The following TCF12 variants were observed in gnomAD, a reference collection of about 807,000 sequenced individuals.
TCF12 encodes DNA-binding protein HTF4.
In TCF12, 45 loss-of-function variants were observed where a neutral mutation model predicts 86.0. The ratio of observed to expected loss-of-function variants is 0.52; its 90% CI spans 0.41 to 0.67. TCF12 has a LOEUF of 0.67. Among genes scored for constraint, TCF12 ranks in the 30% least tolerant of loss-of-function variants. The probability of loss-of-function intolerance (pLI) is 0.00; values close to 1 mark genes in which losing one functional copy is unlikely to be tolerated. For synonymous variants in TCF12, 330 were observed against 299.6 expected (o/e 1.10, Z -1.05); for missense variants, 881 against 859.9 (o/e 1.02, Z -0.31).
intron 5 of TCF12, among the ~76,000 whole-genome samples, chr15:57,164,892 G>A (rs754952988): frequency 1.3e-5 from 2 of 152,080 alleles, no homozygotes; most frequent in Non-Finnish European, 2.9e-5. Context: ...TTTTGGCCAC[G>A]CTGGTCTTGA....
chr15:57,206,678 C>T (rs2057830787), intron 8 of TCF12, among the ~76,000 whole-genome samples: 1 of 148,068 alleles, frequency 6.8e-6, no homozygotes, highest in South Asian at 2.1e-4. Context: ...TCCTCCACCT[C>T]CTGTACTCGG....
chr15:57,016,695 C>CCT (rs1376709586), intron 3 of TCF12, among the ~76,000 whole-genome samples: 1 of 151,888 alleles, frequency 6.6e-6, no homozygotes, highest in East Asian at 1.9e-4. Context: ...TTTCCTTGGG[C>CCT]CTCTTGCATT....
intron 5 of TCF12, among the ~76,000 whole-genome samples, chr15:57,113,535 TC>T (rs1488533959): frequency 6.6e-6 from 1 of 152,120 alleles, no homozygotes; most frequent in Non-Finnish European, 1.5e-5. Flanking sequence ...TTCTTTTGCT[TC>T]TTTTTTTTCT....
chr15:57,064,349 A>G lies in TCF12; in HGVS notation c.222+526A>G, dbSNP rs2703575. 1.4e-3 allele frequency among the ~76,000 whole-genome samples: 216 copies of G among 152,340 alleles called. 1 individual carries two copies. The highest frequency in any genetic ancestry group is 5.0e-3 in the African/African-American group (207 of 41,576). On this transcript the variant is annotated intron_variant, in intron 4 of 20. Transcript: ENST00000333725. Reference sequence around the variant, plus strand: ...TTCTACACACTGAGGTCACAAGGTTAGAGCCCTTTCCAGCAAAAAACAAAA... The same window carrying G: ...TTCTACACACTGAGGTCACAAGGTTGGAGCCCTTTCCAGCAAAAAACAAAA...
chr15:57,056,022 C>T (rs977903843), intron 3 of TCF12, among the ~76,000 whole-genome samples: 1 of 151,984 alleles, frequency 6.6e-6, no homozygotes, highest in Non-Finnish European at 1.5e-5. Context: ...GATGATCTCT[C>T]ATCACGTTCA....
chr15:57,262,132 C>T lies in TCF12; in HGVS notation c.1506C>T (p.Gly502=). The change falls in exon 17 of 21, where the codon GGC becomes GGT. Residue 502 remains glycine, a synonymous_variant. Transcript: ENST00000333725. The stretch of plus-strand genomic sequence containing the variant: ...GGGAAGACTCTGTCAGTCTCAATGG[C>T]AATCATTCAGTCCTGTCTAGTACAG... ...THREDSVSLN[G]NHSVLSSTVT... 6.2e-7 allele frequency: 1 copy of T among 1,613,436 alleles called. No individual in the cohort carries two copies. The highest frequency in any genetic ancestry group is 1.1e-5 in the South Asian group (1 of 90,968).
intron 8 of TCF12, among the ~76,000 whole-genome samples, chr15:57,226,096 C>G (rs945354695): frequency 6.9e-6 from 1 of 144,982 alleles, no homozygotes; most frequent in Non-Finnish European, 1.5e-5. Flanking sequence ...AATGCTGACT[C>G]TTAAATGTAC....
chr15:57,134,148 T>A (rs1270141380), intron 5 of TCF12, among the ~76,000 whole-genome samples: 2 of 152,226 alleles, frequency 1.3e-5, no homozygotes, highest in Non-Finnish European at 2.9e-5. Flanking sequence ...TGGGCGGTCT[T>A]GTTTGATATT....
At chr15:56,980,754 T>C (rs17819694) in intron 3 of TCF12, among the ~76,000 whole-genome samples, 5,810 of 152,294 alleles carry the variant, frequency 0.038, 360 homozygotes, top group Admixed American at 0.16. Context: ...TCTTTTCCTG[T>C]AGGATTTTGT....
At chr15:56,957,417 T>C (rs76412380) in intron 3 of TCF12, among the ~76,000 whole-genome samples, 2,083 of 152,318 alleles carry the variant, frequency 0.014, 55 homozygotes, top group African/African-American at 0.043. Flanking sequence ...TTCTGTTTTC[T>C]CTTTTGTGTT....
intron 5 of TCF12, among the ~76,000 whole-genome samples, chr15:57,128,467 A>T (rs565164968): frequency 6.6e-6 from 1 of 152,212 alleles, no homozygotes; most frequent in Non-Finnish European, 1.5e-5. Flanking sequence ...TTTAGAATTC[A>T]GTGGGGTTTT....
intron 8 of TCF12, among the ~76,000 whole-genome samples, chr15:57,203,275 T>TA (rs1449382197): frequency 8.1e-4 from 124 of 152,320 alleles, no homozygotes; most frequent in Non-Finnish European, 2.8e-4. Context: ...TTTCCTTTTC[T>TA]AAATCACTCG....
intron 6 of TCF12, among the ~76,000 whole-genome samples, chr15:57,170,639 TATAATATATATATTATATA>T (rs2055257104): frequency 2.7e-5 from 1 of 37,076 alleles, no homozygotes; most frequent in East Asian, 1.4e-3. Context: ...TATATATATA[TATAATATATATATTATATA>T]AAATATATAT....
chr15:57,235,552 T>G (rs1334571243), intron 12 of TCF12, among the ~76,000 whole-genome samples: 1 of 152,156 alleles, frequency 6.6e-6, no homozygotes, highest in Non-Finnish European at 1.5e-5. Context: ...AAGAAAATTG[T>G]CTCACCCTTT....
At chr15:57,166,042 C>T (rs1430638321) in intron 5 of TCF12, among the ~76,000 whole-genome samples, 2 of 152,174 alleles carry the variant, frequency 1.3e-5, no homozygotes, top group African/African-American at 2.4e-5. Context: ...ATCCTCCCAC[C>T]TCAGCCTCCT....
chr15:57,069,412 C>T (rs1385564675), intron 4 of TCF12, among the ~76,000 whole-genome samples: 1 of 152,130 alleles, frequency 6.6e-6, no homozygotes, highest in East Asian at 1.9e-4. Flanking sequence ...AAATGAATTG[C>T]TAAATGTCCA....
chr15:57,247,373 C>G, intron 13 of TCF12: 1 of 659,702 alleles, frequency 1.5e-6, no homozygotes, highest in Non-Finnish European at 2.8e-6. Flanking sequence ...TCCAAAGTTT[C>G]CTCCATAATA....
chr15:56,970,301 G>A (rs2062225930), intron 3 of TCF12, among the ~76,000 whole-genome samples: 1 of 151,836 alleles, frequency 6.6e-6, no homozygotes, highest in South Asian at 2.1e-4. Flanking sequence ...CCAATATAGT[G>A]AAATCCCATC....
intron 3 of TCF12, among the ~76,000 whole-genome samples, chr15:57,013,635 C>A (rs546088750): frequency 4.7e-4 from 72 of 152,142 alleles, no homozygotes; most frequent in South Asian, 3.7e-3. Context: ...TGAAGTGTTT[C>A]AAAAGTCCTG....
Sources: allele counts gnomAD v4.1 joint callset (sites outside exome capture counted in the v4.1 genomes callset), GRCh38; gene constraint gnomAD v4.1.1; transcripts MANE v1.5; gene names NCBI Gene and HGNC (gene_info 2026-07-23, HGNC 2026-07-21).